Variants in LCLAT1 observed in about 807,000 individuals in gnomAD.
LCLAT1 encodes 1-AGP acyltransferase 8.
A neutral mutation model predicts 30.7 loss-of-function variants in LCLAT1; 11 were observed. The ratio of observed to expected loss-of-function variants is 0.36; its 90% CI spans 0.23 to 0.59. LCLAT1 has a LOEUF of 0.59. Among genes scored for constraint, LCLAT1 ranks in the 20% least tolerant of loss-of-function variants. LCLAT1 has a pLI of 0.77. For synonymous variants in LCLAT1, 155 were observed against 151.3 expected, an observed-to-expected ratio of 1.02 and a Z score of -0.18; for missense variants, 402 against 458.6, an observed-to-expected ratio of 0.88 and a Z score of 1.13.
intron 5 of LCLAT1, among the ~76,000 whole-genome samples, chr2:30,637,078 G>A (rs1669069901): frequency 1.3e-5 from 2 of 152,156 alleles, no homozygotes; most frequent in Admixed American, 1.3e-4. Flanking sequence ...CCTGAATCTG[G>A]CTAATTGGCA....
intron 3 of LCLAT1, among the ~76,000 whole-genome samples, chr2:30,558,084 A>T (rs1403155844): frequency 1.3e-5 from 2 of 152,224 alleles, no homozygotes; most frequent in Non-Finnish European, 2.9e-5. Context: ...TGAGTTTGGG[A>T]TAGGCAGAGA....
rs143804389 is a variant in LCLAT1 at position 30,580,747 on chromosome 2, C to T, written c.628+12571C>T. Reference sequence around the variant, plus strand: ...AGAAATCAGGTTAAGAGGGACTCCTCATTTTGTAAGGCAGGAGGCAAGGTT... The same window carrying T: ...AGAAATCAGGTTAAGAGGGACTCCTTATTTTGTAAGGCAGGAGGCAAGGTT... On this transcript the variant is annotated intron_variant, in intron 5 of 5. Transcript: ENST00000379509. Among the ~76,000 whole-genome samples the T allele has an allele frequency of 7.2e-4, 110 of 152,244 alleles. 1 individual carries two copies. The highest frequency in any genetic ancestry group is 2.5e-3 in the African/African-American group (105 of 41,540).
At chr2:30,462,567 G>A (rs994805214) in intron 1 of LCLAT1, among the ~76,000 whole-genome samples, 2 of 152,170 alleles carry the variant, frequency 1.3e-5, no homozygotes, top group African/African-American at 4.8e-5. Flanking sequence ...AAGTTTATCT[G>A]GGGGAAACTT....
chr2:30,548,818 T>C (rs1664546672), intron 3 of LCLAT1, among the ~76,000 whole-genome samples: 1 of 152,156 alleles, frequency 6.6e-6, no homozygotes, highest in South Asian at 2.1e-4. Context: ...TTGTTATGCC[T>C]GAGTAAGACT....
intron 3 of LCLAT1, among the ~76,000 whole-genome samples, chr2:30,557,708 C>G (rs1012579070): frequency 6.6e-6 from 1 of 152,226 alleles, no homozygotes; most frequent in African/African-American, 2.4e-5. Flanking sequence ...AGCCACTGTG[C>G]CCTGCCCACA....
intron 5 of LCLAT1, chr2:30,607,560 A>C (rs1028460933): frequency 6.6e-6 from 1 of 152,152 alleles, no homozygotes; most frequent in Non-Finnish European, 1.5e-5. Flanking sequence ...TGTGTAAAAC[A>C]GTAGCACATA....
intron 1 of LCLAT1, among the ~76,000 whole-genome samples, chr2:30,517,215 C>T (rs1025258545): frequency 6.6e-6 from 1 of 152,202 alleles, no homozygotes; most frequent in African/African-American, 2.4e-5. Flanking sequence ...CTTTCACTCC[C>T]TCTCCCAGGT....
chr2:30,629,968 G>A (rs188491191), intron 5 of LCLAT1, among the ~76,000 whole-genome samples: 89 of 151,828 alleles, frequency 5.9e-4, no homozygotes, highest in African/African-American at 1.7e-3. Context: ...TGTTATGTAC[G>A]TATTTGTCTG....
At position 30,637,795 on chromosome 2, in the gene LCLAT1, C is replaced by T. The variant is rs570305015; in HGVS notation, c.629-2322C>T. ...GTTTCACCATCTTGGTCAGGCTGGTCTCGAACTCCTGACCTCAGGTGATCC... is the reference window on the plus strand; with the variant it reads ...GTTTCACCATCTTGGTCAGGCTGGTTTCGAACTCCTGACCTCAGGTGATCC... On this transcript the variant is annotated intron_variant, in intron 5 of 5. Coordinates refer to ENST00000379509, the MANE Select transcript of LCLAT1 (RefSeq NM_001002257.3). Among the ~76,000 whole-genome samples, 27 of 152,264 alleles carry T rather than the reference C, an allele frequency of 1.8e-4. 1 individual carries two copies. The highest frequency in any genetic ancestry group is 3.7e-4 in the Non-Finnish European group (25 of 68,020).
chr2:30,601,891 CTATAGATATAT>C (rs1667204728), intron 5 of LCLAT1, among the ~76,000 whole-genome samples: 1 of 149,514 alleles, frequency 6.7e-6, no homozygotes, highest in Admixed American at 6.7e-5. Context: ...ATATATATAT[CTATAGATATAT>C]ATATAATGTT....
chr2:30,619,157 G>A (rs1668130239), intron 5 of LCLAT1, among the ~76,000 whole-genome samples: 1 of 152,114 alleles, frequency 6.6e-6, no homozygotes, highest in South Asian at 2.1e-4. Context: ...GCTAGGAGTA[G>A]GAAAAAGGTT....
rs752304164 is a variant in LCLAT1 at position 30,525,637 on chromosome 2, G to A, written c.47G>A (p.Gly16Glu). 3 of 1,613,988 alleles carry A rather than the reference G, an allele frequency of 1.9e-6. No homozygotes were observed. The highest frequency in any genetic ancestry group is 2.2e-5 in the South Asian group (2 of 91,070). The change falls in exon 2 of 6, where the codon GGA (glycine) becomes GAA (glutamate). Residue 16 changes from glycine (G) to glutamate (E), a missense_variant. Physicochemically the swap from Gly to Glu is moderately conservative, Grantham distance 98. Coordinates refer to ENST00000379509, the MANE Select transcript of LCLAT1 (RefSeq NM_001002257.3). Reference protein sequence around the residue: ...GIYFILTLFWGSFFGSIFMLS... With the variant: ...GIYFILTLFWESFFGSIFMLS... ...TACTTTATACTGACTCTGTTTTGGG[G>A]AAGCTTTTTTGGAAGCATTTTCATG...
chr2:30,507,233 C>G (rs1684709954), intron 1 of LCLAT1, among the ~76,000 whole-genome samples: 1 of 151,832 alleles, frequency 6.6e-6, no homozygotes, highest in South Asian at 2.1e-4. Context: ...TAACTGACTC[C>G]CAAGGATTGC....
chr2:30,461,925 C>T (rs904541225), intron 1 of LCLAT1, among the ~76,000 whole-genome samples: 1 of 151,324 alleles, frequency 6.6e-6, no homozygotes, highest in Non-Finnish European at 1.5e-5. Context: ...CGCCCGCCAC[C>T]ACGCCCGGCT....
rs1001491143 is a variant in LCLAT1, at chr2:30,620,977, T to C, written c.629-19140T>C. Among the ~76,000 whole-genome samples the C allele has an allele frequency of 8.5e-5, 13 of 152,106 alleles. 1 individual carries two copies. The highest frequency in any genetic ancestry group is 2.9e-4 in the African/African-American group (12 of 41,412). ...TCACCATATTTCTATATGTAAAGGC[T>C]TTTTTTGGATTTAGAAGACACCTGA... is the stretch of plus-strand genomic sequence containing the variant. On this transcript the variant is annotated intron_variant, in intron 5 of 5. Coordinates refer to ENST00000379509, the MANE Select transcript of LCLAT1 (RefSeq NM_001002257.3).
At chr2:30,485,259 T>A (rs1683509291) in intron 1 of LCLAT1, among the ~76,000 whole-genome samples, 1 of 152,174 alleles carries the variant, frequency 6.6e-6, no homozygotes, top group Non-Finnish European at 1.5e-5. Flanking sequence ...AGTTTTAAGC[T>A]GACTAGAAAG....
chr2:30,472,451 A>C (rs994429822), intron 1 of LCLAT1, among the ~76,000 whole-genome samples: 1 of 152,192 alleles, frequency 6.6e-6, no homozygotes, highest in African/African-American at 2.4e-5. Context: ...ATAAACATCA[A>C]CCAGTTTTTG....
intron 1 of LCLAT1, among the ~76,000 whole-genome samples, chr2:30,520,568 TC>T (rs1024369751): frequency 6.6e-6 from 1 of 152,174 alleles, no homozygotes; most frequent in Non-Finnish European, 1.5e-5. Context: ...TGCCTCAGTA[TC>T]GTTATATGTA....
chr2:30,626,063 G>T (rs1362742680), intron 5 of LCLAT1, among the ~76,000 whole-genome samples: 1 of 152,180 alleles, frequency 6.6e-6, no homozygotes, highest in Non-Finnish European at 1.5e-5. Context: ...CATGAATAAT[G>T]CCTGGCACAT....
Sources: gnomAD v4.1 joint callset for allele counts (sites outside exome capture counted in the v4.1 genomes callset) on GRCh38, gnomAD v4.1.1 for gene constraint, MANE v1.5 for transcripts, NCBI Gene and HGNC (gene_info 2026-07-23, HGNC 2026-07-21) for gene names.